EXT1: variants seen among roughly 807,000 people sequenced by gnomAD.
EXT1 encodes exostosin glycosyltransferase 1.
A neutral mutation model predicts 82.5 loss-of-function variants in EXT1; 20 were observed. The observed-to-expected ratio is 0.24, with a 90% confidence interval of 0.17 to 0.35. EXT1 has a LOEUF of 0.35. Ranked by LOEUF, EXT1 falls within the 10% of genes least tolerant of loss-of-function variation. The pLI is 1.00. For synonymous variants in EXT1, 348 were observed against 350.8 expected (o/e 0.99, Z 0.09); for missense variants, 757 against 936.5 (o/e 0.81, Z 2.50).
intron 1 of EXT1, among the ~76,000 whole-genome samples, chr8:117,913,689 G>A (rs979457108): frequency 1.3e-5 from 2 of 152,174 alleles, no homozygotes; most frequent in Non-Finnish European, 2.9e-5. Context: ...TGGGAGGGAA[G>A]TAGGAAGTGG....
chr8:118,017,416 TAAAGTAAACAGTAAC>T (rs1289310759), intron 1 of EXT1, among the ~76,000 whole-genome samples: 12 of 152,154 alleles, frequency 7.9e-5, no homozygotes, highest in Non-Finnish European at 1.3e-4. Context: ...CCTGAGTTGC[TAAAGTAAACAGTAAC>T]AAAGTCAGCA....
intron 1 of EXT1, among the ~76,000 whole-genome samples, chr8:118,070,275 T>TGC (rs1554598472): frequency 3.0e-5 from 4 of 132,870 alleles, no homozygotes; most frequent in Non-Finnish European, 6.4e-5. Context: ...TGTGTGTGTG[T>TGC]GCATATCATA....
Position 117,973,526 on chromosome 8 carries a change from T to C in EXT1, c.963-136325A>G, listed in dbSNP as rs17453511. Among the ~76,000 whole-genome samples, 571 of 152,178 alleles carry C rather than the reference T, an allele frequency of 3.8e-3. 6 individuals carry two copies. The highest frequency in any genetic ancestry group is 5.1e-3 in the Non-Finnish European group (345 of 67,986). The stretch of plus-strand genomic sequence containing the variant: ...CTACATCTTTTTTAAAAAGTCACTT[T>C]GGGAGGCTGAAGTGGGAGGACTGCA... On this transcript the variant is annotated intron_variant, in intron 1 of 10. Coordinates refer to ENST00000378204, the MANE Select transcript of EXT1 (RefSeq NM_000127.3).
At chr8:117,811,687 G>A (rs942769804) in intron 8 of EXT1, among the ~76,000 whole-genome samples, 20 of 150,752 alleles carry the variant, frequency 1.3e-4, no homozygotes. Flanking sequence ...TACGATGTCC[G>A]CTCACTGTAA....
intron 1 of EXT1, among the ~76,000 whole-genome samples, chr8:118,021,651 G>T (rs1816103980): frequency 6.6e-6 from 1 of 152,146 alleles, no homozygotes; most frequent in Admixed American, 6.5e-5. Flanking sequence ...TCGTTTCCCT[G>T]TGTGATGGTT....
intron 1 of EXT1, among the ~76,000 whole-genome samples, chr8:117,897,897 C>T (rs1032790497): frequency 2.0e-5 from 3 of 152,076 alleles, no homozygotes; most frequent in Non-Finnish European, 4.4e-5. Context: ...ACCACCGCAC[C>T]CAGCCGCCTG....
chr8:117,839,851 T>G (rs1206504093), intron 1 of EXT1, among the ~76,000 whole-genome samples: 1 of 152,174 alleles, frequency 6.6e-6, no homozygotes, highest in East Asian at 1.9e-4. Context: ...CTGTCCCATT[T>G]CAACAGATAG....
At chr8:117,809,501 G>T (rs1417622693) in intron 8 of EXT1, among the ~76,000 whole-genome samples, 6 of 151,664 alleles carry the variant, frequency 4.0e-5, no homozygotes, top group Admixed American at 6.6e-5. Flanking sequence ...GCTGGGCGTG[G>T]TGTTGCACGC....
chr8:118,064,490 C>T (rs924138051), intron 1 of EXT1, among the ~76,000 whole-genome samples: 1 of 152,118 alleles, frequency 6.6e-6, no homozygotes. Flanking sequence ...TATCCATGTC[C>T]CTGCAAAGTA....
At chr8:117,959,643 A>G (rs1291047473) in intron 1 of EXT1, among the ~76,000 whole-genome samples, 1 of 152,192 alleles carries the variant, frequency 6.6e-6, no homozygotes, top group Non-Finnish European at 1.5e-5. Context: ...AGATAATTAT[A>G]TTGGACACAC....
intron 1 of EXT1, among the ~76,000 whole-genome samples, chr8:117,901,989 C>A (rs746371375): frequency 6.6e-6 from 1 of 152,098 alleles, no homozygotes; most frequent in South Asian, 2.1e-4. Context: ...TGAGCCACTG[C>A]GCCCAGCCTA....
rs1250006319 is a variant in EXT1, at chr8:117,968,526, C to CTTATTTATTTATTTAT, written c.963-131341_963-131326dup. 2.7e-4 allele frequency among the ~76,000 whole-genome samples: 10 copies of CTTATTTATTTATTTAT among 37,044 alleles called. 1 individual carries two copies. The highest frequency in any genetic ancestry group is 1.9e-3 in the South Asian group (2 of 1,048). 24.3% of individuals were successfully genotyped at this position (37,044 alleles called of 152,430 possible). On this transcript the variant is annotated intron_variant, in intron 1 of 10. Coordinates refer to ENST00000378204, the MANE Select transcript of EXT1 (RefSeq NM_000127.3). ...TCTAATTAAATACTACTTATTCTGC[C>CTTATTTATTTATTTAT]TTATTTATTTATTTATTTATTTATT...
rs1814748602 is a variant in EXT1, at chr8:117,963,652, G to A, written c.963-126451C>T. ...ATTACAGGAAGACACCACACGCCTG[G>A]CTAATTTTTGTATTTTTAGTGGAGA... On this transcript the variant is annotated intron_variant, in intron 1 of 10. Transcript: ENST00000378204. 2.6e-5 allele frequency among the ~76,000 whole-genome samples: 4 copies of A among 152,012 alleles called. No individual in the cohort carries two copies. In the South Asian group the frequency reaches 8.3e-4, roughly 31 times the overall value.
chr8:118,036,895 CTCTTTTTCTTT>C (rs1482552618), intron 1 of EXT1, among the ~76,000 whole-genome samples: 7 of 152,132 alleles, frequency 4.6e-5, no homozygotes, highest in African/African-American at 1.7e-4. Flanking sequence ...TTATCTTATT[CTCTTTTTCTTT>C]TCTTCCCCAG....
At chr8:117,966,122 T>C (rs1814805052) in intron 1 of EXT1, among the ~76,000 whole-genome samples, 2 of 152,122 alleles carry the variant, frequency 1.3e-5, no homozygotes, top group African/African-American at 4.8e-5. Context: ...AGTAAAAATA[T>C]AATAATCCAA....
At chr8:117,803,599 T>TGTACA (rs1823198846) in intron 10 of EXT1, among the ~76,000 whole-genome samples, 1 of 152,048 alleles carries the variant, frequency 6.6e-6, no homozygotes, top group East Asian at 1.9e-4. Context: ...GATGGTGGGG[T>TGTACA]GTACAAGGAC....
At chr8:118,003,437 C>G (rs925618634) in intron 1 of EXT1, among the ~76,000 whole-genome samples, 1 of 151,996 alleles carries the variant, frequency 6.6e-6, no homozygotes, top group Non-Finnish European at 1.5e-5. Flanking sequence ...TTAGATTTTT[C>G]TAATTCCTGG....
At chr8:117,911,215 G>A (rs749791189) in intron 1 of EXT1, among the ~76,000 whole-genome samples, 1 of 152,190 alleles carries the variant, frequency 6.6e-6, no homozygotes, top group Non-Finnish European at 1.5e-5. Flanking sequence ...CCCCAGTTGT[G>A]TAATTAAGCC....
intron 1 of EXT1, among the ~76,000 whole-genome samples, chr8:117,838,438 A>T (rs1005117922): frequency 2.0e-5 from 3 of 152,194 alleles, no homozygotes; most frequent in Non-Finnish European, 4.4e-5. Flanking sequence ...TAAACCCGCC[A>T]TTAAGAAGAG....
Sources: allele counts gnomAD v4.1 joint callset (sites outside exome capture counted in the v4.1 genomes callset), GRCh38; gene constraint gnomAD v4.1.1; transcripts MANE v1.5; gene names NCBI Gene and HGNC (gene_info 2026-07-23, HGNC 2026-07-21).